Variants in CHCHD6 observed in about 807,000 individuals in gnomAD.
CHCHD6 encodes the protein MICOS complex subunit MIC25.
In CHCHD6, 28 loss-of-function variants were observed where a neutral mutation model predicts 32.3. The ratio of observed to expected loss-of-function variants is 0.87; its 90% CI spans 0.64 to 1.19. CHCHD6 has a LOEUF of 1.19. Ranked by LOEUF, CHCHD6 falls within the 50% of genes most tolerant of loss-of-function variation. The pLI, the probability that CHCHD6 is intolerant of heterozygous loss-of-function variation, is 0.00. For missense variants in CHCHD6, 333 were observed against 307.0 expected (o/e 1.08, Z -0.63); for synonymous variants, 122 against 117.5 (o/e 1.04, Z -0.25).
intron 4 of CHCHD6, among the ~76,000 whole-genome samples, chr3:126,782,582 A>G (rs1381923022): frequency 2.0e-5 from 3 of 152,258 alleles, no homozygotes; most frequent in African/African-American, 7.2e-5. Context: ...GCAAAGGGAA[A>G]GTTGAAGAAG....
At chr3:126,865,098 TCCACCACCA>T (rs1172432500) in intron 5 of CHCHD6, among the ~76,000 whole-genome samples, 2 of 122,846 alleles carry the variant, frequency 1.6e-5, no homozygotes, top group Non-Finnish European at 1.5e-5. Context: ...CTCCTCCTCC[TCCACCACCA>T]CCTCCACTTC....
intron 4 of CHCHD6, among the ~76,000 whole-genome samples, chr3:126,815,502 T>G (rs1464247554): frequency 6.6e-6 from 1 of 152,326 alleles, no homozygotes; most frequent in Non-Finnish European, 1.5e-5. Flanking sequence ...GTTATCATCC[T>G]TGACTCCTCC....
intron 5 of CHCHD6, among the ~76,000 whole-genome samples, chr3:126,859,775 C>T (rs746657295): frequency 7.2e-5 from 11 of 152,218 alleles, no homozygotes; most frequent in African/African-American, 2.4e-4. Context: ...TGCTGCCTCC[C>T]ACCGCCTCCC....
intron 4 of CHCHD6, among the ~76,000 whole-genome samples, chr3:126,810,485 A>G (rs986814382): frequency 1.3e-5 from 2 of 152,158 alleles, no homozygotes; most frequent in Admixed American, 6.5e-5. Flanking sequence ...GTGATAGACT[A>G]TTTATGTGCT....
intron 4 of CHCHD6, among the ~76,000 whole-genome samples, chr3:126,825,070 A>G (rs1429713389): frequency 6.6e-6 from 1 of 152,030 alleles, no homozygotes; most frequent in East Asian, 1.9e-4. Context: ...TTTTTCCTTT[A>G]GGCACAGCTT....
At chr3:126,736,885 G>C (rs533861340) in intron 4 of CHCHD6, among the ~76,000 whole-genome samples, 19 of 152,144 alleles carry the variant, frequency 1.2e-4, no homozygotes, top group Admixed American at 6.5e-4. Context: ...CTGATGGGTG[G>C]AGTCTTAAAA....
chr3:126,903,918 AG>A (rs2077968437), intron 5 of CHCHD6, among the ~76,000 whole-genome samples: 1 of 152,214 alleles, frequency 6.6e-6, no homozygotes, highest in Admixed American at 6.5e-5. Context: ...GGTTGGCTCC[AG>A]GGGATCCCAT....
intron 4 of CHCHD6, among the ~76,000 whole-genome samples, chr3:126,787,301 A>G (rs1418186463): frequency 1.2e-4 from 18 of 152,210 alleles, no homozygotes; most frequent in East Asian, 7.7e-4. Context: ...TTGACTTGGC[A>G]ATGCGGGCTC....
At chr3:126,834,053 CAAAAAAAAAAAA>C (rs55790919) in intron 4 of CHCHD6, among the ~76,000 whole-genome samples, 12 of 44,460 alleles carry the variant, frequency 2.7e-4, no homozygotes, top group African/African-American at 3.6e-4. Flanking sequence ...GACTCCGTCT[CAAAAAAAAAAAA>C]AAAAAAAAAA....
At chr3:126,958,050 G>T in intron 7 of CHCHD6, 1 of 201,122 alleles carries the variant, frequency 5.0e-6, no homozygotes, top group Non-Finnish European at 1.0e-5. Flanking sequence ...GGCCTTCCTG[G>T]TGAGTGGTCC....
chr3:126,950,697 G>T (rs1485954044), intron 6 of CHCHD6, among the ~76,000 whole-genome samples: 2 of 152,050 alleles, frequency 1.3e-5, no homozygotes, highest in Non-Finnish European at 1.5e-5. Context: ...GTGATCGCCT[G>T]CATCGGCCTC....
At chr3:126,766,740 T>A (rs1937384500) in intron 4 of CHCHD6, 3 of 1,159,060 alleles carry the variant, frequency 2.6e-6, no homozygotes, top group Non-Finnish European at 3.9e-6. Flanking sequence ...CTTTTGGGTA[T>A]GTGGTAGATT....
At position 126,938,626 on chromosome 3, in the gene CHCHD6, A is replaced by AT. The variant is rs373364751; in HGVS notation, c.567-18789dup. Among the ~76,000 whole-genome samples, 656 of 152,360 alleles carry AT rather than the reference A, an allele frequency of 4.3e-3. 9 individuals carry two copies. Among genetic ancestry groups the AT allele is most frequent in the African/African-American group, 0.014 (590 of 41,590 alleles). ...AAGGTTTTAAAATGAAATGCCTCTC[A>AT]TAACAGAGAAAGTCCCAGTAACTAT... On this transcript the variant is annotated intron_variant, in intron 6 of 7. Transcript: ENST00000290913.
At chr3:126,948,097 CG>C (rs2078665525) in intron 6 of CHCHD6, among the ~76,000 whole-genome samples, 1 of 152,210 alleles carries the variant, frequency 6.6e-6, no homozygotes, top group Non-Finnish European at 1.5e-5. Flanking sequence ...ATTGGTCCCC[CG>C]GTCATTCCTG....
chr3:126,752,376 C>T (rs1936763000), intron 4 of CHCHD6, among the ~76,000 whole-genome samples: 1 of 152,204 alleles, frequency 6.6e-6, no homozygotes, highest in Non-Finnish European at 1.5e-5. Context: ...GATCCGGTCT[C>T]TTCCTGTGGT....
chr3:126,811,303 G>C, intron 4 of CHCHD6, among the ~76,000 whole-genome samples: 1 of 152,202 alleles, frequency 6.6e-6, no homozygotes, highest in East Asian at 1.9e-4. Flanking sequence ...TGGGTGTTCT[G>C]CCCAAGGGGT....
intron 5 of CHCHD6, among the ~76,000 whole-genome samples, chr3:126,860,720 C>T (rs1384644316): frequency 7.9e-5 from 12 of 152,026 alleles, no homozygotes; most frequent in African/African-American, 2.7e-4. Context: ...TGTTCTCAGC[C>T]GTGTATTGAA....
At chr3:126,739,775 T>C (rs554154561) in intron 4 of CHCHD6, among the ~76,000 whole-genome samples, 6 of 152,214 alleles carry the variant, frequency 3.9e-5, no homozygotes, top group Non-Finnish European at 8.8e-5. Flanking sequence ...TCTTTACATA[T>C]GTTGCCCACC....
At chr3:126,812,566 A>C (rs537586932) in intron 4 of CHCHD6, among the ~76,000 whole-genome samples, 1 of 151,452 alleles carries the variant, frequency 6.6e-6, no homozygotes, top group South Asian at 2.1e-4. Context: ...CTGGGATTAC[A>C]GGCACCCACC....
Sources: allele counts gnomAD v4.1 joint callset (sites outside exome capture counted in the v4.1 genomes callset), GRCh38; gene constraint gnomAD v4.1.1; transcripts MANE v1.5; gene names NCBI Gene and HGNC (gene_info 2026-07-23, HGNC 2026-07-21).